GRIK5: variants seen among roughly 807,000 people sequenced by gnomAD.
GRIK5 encodes glutamate ionotropic receptor kainate type subunit 5, also known as glutamate receptor ionotropic, kainate 5.
Under a neutral mutation model 97.4 loss-of-function variants are expected in GRIK5, and 43 were observed. That is an observed-to-expected ratio of 0.44 (90% CI 0.35 to 0.57). The LOEUF is 0.57. Among genes scored for constraint, GRIK5 ranks in the 20% least tolerant of loss-of-function variants. GRIK5 has a pLI of 0.01. For synonymous variants in GRIK5, 580 were observed against 583.5 expected, an observed-to-expected ratio of 0.99 and a Z score of 0.09; for missense variants, 1,015 against 1,382.0, an observed-to-expected ratio of 0.73 and a Z score of 4.21.
chr19:42,050,185 C>T (rs1214749529), intron 11 of GRIK5, among the ~76,000 whole-genome samples: 1 of 152,158 alleles, frequency 6.6e-6, no homozygotes, highest in Admixed American at 6.5e-5. Context: ...CCGCCTCAGT[C>T]TCCCAAAGTG....
At chr19:42,041,886 T>C (rs1173995072) in intron 12 of GRIK5, among the ~76,000 whole-genome samples, 1 of 152,290 alleles carries the variant, frequency 6.6e-6, no homozygotes, top group African/African-American at 2.4e-5. Context: ...AGGAACCTCC[T>C]CTGGGACCGT....
Position 42,021,520 on chromosome 19 carries a change from G to A in GRIK5, c.1698-46C>T. ...TGTGGATGGGGCCCAGAGCCCAGGT[G>A]GGGAGGAAAAGGAAAGAAGCAAAGG... On this transcript the variant is annotated intron_variant, in intron 14 of 19. Coordinates refer to ENST00000593562, the MANE Select transcript of GRIK5 (RefSeq NM_002088.5). This position sits in a 1 kb window ranked among gnomAD's most constrained non-coding sequence, Gnocchi z 4.2. The A allele has an allele frequency of 1.4e-6, 2 of 1,452,166 alleles. No individual in the cohort carries two copies. The highest frequency in any genetic ancestry group is 1.9e-4 in the Middle Eastern group (1 of 5,368). 90.0% of individuals were successfully genotyped at this position (1,452,166 alleles called of 1,614,324 possible). A position where few individuals can be genotyped will look rare whatever the true frequency, so the allele number is the denominator to read the frequency against.
chr19:42,040,201 C>G (rs911871386), intron 12 of GRIK5, among the ~76,000 whole-genome samples: 10 of 152,176 alleles, frequency 6.6e-5, no homozygotes, highest in African/African-American at 2.4e-4. Context: ...AACAGCCAAC[C>G]ACAGACACTC....
chr19:42,003,806 T>C lies in GRIK5; in HGVS notation c.2264-123A>G. On this transcript the variant is annotated intron_variant, in intron 17 of 19. Coordinates refer to ENST00000593562, the MANE Select transcript of GRIK5 (RefSeq NM_002088.5). The surrounding 1 kb of genome is among the most constrained non-coding windows in gnomAD (Gnocchi z 4.2). ...TCTACCACGTGCCCAGGGTCTTCCC[T>C]GCAGCCTCTCCTCACCCCCAGCCCA... is the stretch of plus-strand genomic sequence containing the variant. The C allele has an allele frequency of 9.4e-7, 1 of 1,064,018 alleles. No individual in the cohort carries two copies. Among genetic ancestry groups the C allele is most frequent in the Non-Finnish European group, 1.3e-6 (1 of 760,486 alleles). The allele number at this position is 1,064,018 out of a possible 1,614,324, so 65.9% of individuals were successfully genotyped here.
chr19:42,065,279 A>G lies in GRIK5; in HGVS notation c.188T>C (p.Val63Ala). The change falls in exon 3 of 20, where the codon GTG becomes GCG. Residue 63 changes from valine to alanine, a missense_variant. Transcript: ENST00000593562. This position sits in a 1 kb window ranked among gnomAD's most constrained non-coding sequence, Gnocchi z 5.8. ...GIIEVPAKAR[V>A]EVDIFELQRD... ...CTGCAGCTCAAAGATGTCTACTTCC[A>G]CTCGGGCCTTGGCTGGGACCTCGAT... 1.9e-6 allele frequency: 3 copies of G among 1,613,038 alleles called. No homozygotes were observed. The highest frequency in any genetic ancestry group is 2.2e-5 in the East Asian group (1 of 44,858).
chr19:42,031,275 G>A (rs756756374), intron 12 of GRIK5, among the ~76,000 whole-genome samples: 7 of 152,202 alleles, frequency 4.6e-5, no homozygotes, highest in South Asian at 4.1e-4. Flanking sequence ...CTTCCAAGCC[G>A]TTAATGGTGA....
Position 42,003,305 on chromosome 19 carries a change from G to GGCCCCCCCCCCC in GRIK5, c.2514+26_2514+27insGGGGGGGGGGGC. ...TCAGCCCCTGGGGGTCCCTGTTCCT[G>GGCCCCCCCCCCC]CCCACCCCCACCCCCAGCCTCCTCA... On this transcript the variant is annotated intron_variant, in intron 19 of 19. Coordinates refer to ENST00000593562, the MANE Select transcript of GRIK5 (RefSeq NM_002088.5). The surrounding 1 kb of genome is among the most constrained non-coding windows in gnomAD (Gnocchi z 4.2). The GGCCCCCCCCCCC allele has an allele frequency of 5.8e-6, 9 of 1,540,734 alleles. No homozygotes were observed. The highest frequency in any genetic ancestry group is 7.2e-6 in the Non-Finnish European group (8 of 1,118,196).
chr19:42,029,069 A>AG (rs1229232594), intron 12 of GRIK5, among the ~76,000 whole-genome samples: 3 of 152,070 alleles, frequency 2.0e-5, no homozygotes, highest in African/African-American at 7.2e-5. Context: ...CATCTCTACA[A>AG]AAAAAAATTT....
At chr19:42,057,203 G>A (rs1178441894) in intron 6 of GRIK5, among the ~76,000 whole-genome samples, 2 of 152,132 alleles carry the variant, frequency 1.3e-5, no homozygotes, top group African/African-American at 4.8e-5. Flanking sequence ...CATGCTGACT[G>A]CTGTCCCAGG....
intron 15 of GRIK5, among the ~76,000 whole-genome samples, chr19:42,014,502 G>T (rs117227514): frequency 0.019 from 2,935 of 152,272 alleles, 41 homozygotes; most frequent in Non-Finnish European, 0.03. Context: ...CACACTTGGG[G>T]CTGGGCATGG....
intron 15 of GRIK5, among the ~76,000 whole-genome samples, chr19:42,018,314 A>G (rs1473615907): frequency 6.8e-6 from 1 of 148,028 alleles, no homozygotes; most frequent in Admixed American, 6.7e-5. Flanking sequence ...ACAGAGCGAG[A>G]CTCTGTCTCA....
At chr19:42,012,254 GTATT>G (rs531492236) in intron 15 of GRIK5, among the ~76,000 whole-genome samples, 7 of 151,300 alleles carry the variant, frequency 4.6e-5, no homozygotes, top group African/African-American at 7.3e-5. Context: ...ATGTATGTAT[GTATT>G]TATTTATTTG....
chr19:42,054,025 C>A, intron 9 of GRIK5, 96 bp from the exon 10 acceptor site: 1 of 811,322 alleles, frequency 1.2e-6, no homozygotes, highest in South Asian at 1.5e-5. Flanking sequence ...GAGAAAGGCA[C>A]AGACAGACCG....
In GRIK5 at chr19:42,003,305, G is replaced by GGGCC; in HGVS notation, c.2514+26_2514+27insGGCC. On this transcript the variant is annotated intron_variant, in intron 19 of 19. Transcript: ENST00000593562. This position sits in a 1 kb window ranked among gnomAD's most constrained non-coding sequence, Gnocchi z 4.2. ...TCAGCCCCTGGGGGTCCCTGTTCCT[G>GGGCC]CCCACCCCCACCCCCAGCCTCCTCA... 2.4e-4 allele frequency: 367 copies of GGGCC among 1,540,058 alleles called. No individual in the cohort carries two copies. The highest frequency in any genetic ancestry group is 3.0e-4 in the Non-Finnish European group (336 of 1,117,550).
chr19:42,023,437 T>C (rs989482271), intron 12 of GRIK5, among the ~76,000 whole-genome samples: 1 of 152,172 alleles, frequency 6.6e-6, no homozygotes, highest in Non-Finnish European at 1.5e-5. Context: ...GTGGAAATCA[T>C]CACAGCTAAT....
At chr19:42,059,699 C>T (rs2076234458) in intron 5 of GRIK5, among the ~76,000 whole-genome samples, 172 bp from the exon 6 acceptor site, 1 of 152,092 alleles carries the variant, frequency 6.6e-6, no homozygotes, top group African/African-American at 2.4e-5. Context: ...AGCCTGGGCC[C>T]TCCCCAATTA....
Position 42,006,882 on chromosome 19 carries a change from A to G in GRIK5, c.1872-72T>C, listed in dbSNP as rs1321755285. ...ACCTGCCCCCGTGGCCATGCCCCCC[A>G]TTGGTGGTGCCCCTCCCAAGTGACC... On this transcript the variant is annotated intron_variant, in intron 15 of 19. Coordinates refer to ENST00000593562, the MANE Select transcript of GRIK5 (RefSeq NM_002088.5). This position sits in a 1 kb window ranked among gnomAD's most constrained non-coding sequence, Gnocchi z 5.3. The G allele has an allele frequency of 3.4e-6, 4 of 1,174,380 alleles. No individual in the cohort carries two copies. In the African/African-American group the frequency reaches 4.6e-5, roughly 13 times the overall value. 72.7% of individuals were successfully genotyped at this position (1,174,380 alleles called of 1,614,324 possible).
intron 12 of GRIK5, among the ~76,000 whole-genome samples, chr19:42,033,328 A>C (rs897874923): frequency 1.3e-5 from 2 of 151,998 alleles, no homozygotes; most frequent in Admixed American, 6.6e-5. Context: ...AAAAAAAAAA[A>C]AAAAAAAAAA....
chr19:42,011,911 C>T (rs921920244), intron 15 of GRIK5, among the ~76,000 whole-genome samples: 4 of 151,954 alleles, frequency 2.6e-5, no homozygotes, highest in East Asian at 1.9e-4. Context: ...GAGTCGTGTT[C>T]GTGCCACTGC....
Sources: gnomAD v4.1 joint callset for allele counts (sites outside exome capture counted in the v4.1 genomes callset) on GRCh38, gnomAD v4.1.1 for gene constraint, Gnocchi (gnomAD v3.1) non-coding constraint, MANE v1.5 for transcripts, NCBI Gene and HGNC (gene_info 2026-07-23, HGNC 2026-07-21) for gene names.